HAUS7: variants seen among roughly 807,000 people sequenced by gnomAD.
HAUS7 encodes the protein HAUS augmin-like complex subunit 7.
A neutral mutation model predicts 28.4 loss-of-function variants in HAUS7; 3 were observed. The observed-to-expected ratio is 0.11, with a 90% CI of 0.05 to 0.27. The LOEUF (loss-of-function observed/expected upper bound fraction) is 0.27, where lower values mean the gene tolerates loss of function less well. Ranked by LOEUF, HAUS7 falls within the 10% of genes least tolerant of loss-of-function variation. The pLI, the probability that HAUS7 is intolerant of heterozygous loss-of-function variation, is 1.00. For missense variants in HAUS7, 284 were observed against 297.3 expected (o/e 0.96, Z 0.33); for synonymous variants, 165 against 132.1 (o/e 1.25, Z -1.71).
chrX:153,453,744 C>T (rs1486060152), intron 9 of HAUS7, among the ~76,000 whole-genome samples: 1 of 111,037 alleles, frequency 9.0e-6, no homozygotes, highest in Non-Finnish European at 1.9e-5. Flanking sequence ...ACTGGATCCC[C>T]ACCTCACTCC....
At chrX:153,475,022 C>G (rs2089553838), upstream of HAUS7, among the ~76,000 whole-genome samples, 1 of 112,014 alleles carries the variant, frequency 8.9e-6, no homozygotes, top group Non-Finnish European at 1.9e-5. Context: ...GAGGGGGCGC[C>G]CGCCTCGCCT....
At chrX:153,486,790 C>G in intron 1 of HAUS7, 4 of 982,772 alleles carry the variant, frequency 4.1e-6, no homozygotes, top group Non-Finnish European at 4.0e-6. Flanking sequence ...GCCCCAGCGG[C>G]GGGGGGAGGA....
At chrX:153,456,837 C>A in intron 5 of HAUS7, 186 bp from the exon 6 acceptor site, 1 of 448,440 alleles carries the variant, frequency 2.2e-6, no homozygotes, top group Non-Finnish European at 3.8e-6. Flanking sequence ...CGCCTACCTA[C>A]CCACCCATGG....
At chrX:153,472,428 ACCACCCACCACCCACCACCTG>A (rs1396111986), upstream of HAUS7, among the ~76,000 whole-genome samples, 5 of 17,178 alleles carry the variant, frequency 2.9e-4, no homozygotes, top group African/African-American at 1.0e-3. Flanking sequence ...CCCACCACCC[ACCACCCACCACCCACCACCTG>A]CCACCCACCA....
upstream of HAUS7, among the ~76,000 whole-genome samples, chrX:153,474,300 C>T (rs1200341571): frequency 1.8e-5 from 2 of 112,495 alleles, no homozygotes; most frequent in African/African-American, 6.5e-5. Flanking sequence ...ACCCTCACCT[C>T]CTGCAGTTGA....
At chrX:153,486,731 C>T (rs1556988643) in intron 1 of HAUS7, 17 of 981,274 alleles carry the variant, frequency 1.7e-5, no homozygotes, top group Admixed American at 3.0e-5. Flanking sequence ...CGCCGCATCC[C>T]GCCCACTGCC....
chrX:153,470,684 A>C, upstream of HAUS7: 1 of 946,601 alleles, frequency 1.1e-6, no homozygotes, highest in Non-Finnish European at 1.4e-6. Context: ...GACCCTTCCC[A>C]TTGGGCGACA....
Position 153,469,232 on chromosome X carries a change from C to A in HAUS7, c.138G>T (p.Leu46=). The change falls in exon 2 of 10, where the codon CTG becomes CTT. Residue 46 remains leucine, a synonymous_variant. Coordinates refer to ENST00000370211, the MANE Select transcript of HAUS7 (RefSeq NM_001385482.1). The part of the protein sequence containing the change: ...KDLNCPFLEG[L]YITEPKTIQE... ...GAATTGTCTTTGGCTCTGTGATATA[C>A]AGACCCTCGAGGAAGGGGCAGTTTA... 8.5e-7 allele frequency: 1 copy of A among 1,181,125 alleles called. No homozygotes were observed. Among genetic ancestry groups the A allele is most frequent in the Non-Finnish European group, 1.2e-6 (1 of 867,740 alleles).
chrX:153,461,583 T>C (rs1556983375), intron 4 of HAUS7: 1 of 113,220 alleles, frequency 8.8e-6, no homozygotes, highest in African/African-American at 3.3e-5. Flanking sequence ...AGGACATGAA[T>C]ATGGAAATTT....
At chrX:153,455,266 C>T in intron 8 of HAUS7, 1 of 439,485 alleles carries the variant, frequency 2.3e-6, no homozygotes, top group Non-Finnish European at 4.0e-6. Context: ...CTGGGACACG[C>T]AGGACCCCAC....
chrX:153,448,499 T>A (rs1158748250), intron 9 of HAUS7, among the ~76,000 whole-genome samples: 5 of 110,307 alleles, frequency 4.5e-5, no homozygotes, highest in Non-Finnish European at 9.5e-5. Context: ...CATATGTAAC[T>A]AACCTGCACG....
At chrX:153,493,611 C>A (rs2089685608) in intron 1 of HAUS7, among the ~76,000 whole-genome samples, 1 of 112,277 alleles carries the variant, frequency 8.9e-6, no homozygotes, top group Admixed American at 9.4e-5. Flanking sequence ...CCTGGTTTCC[C>A]ACGTCTCTCT....
intron 1 of HAUS7, chrX:153,481,912 C>A: frequency 1.3e-6 from 1 of 753,152 alleles, no homozygotes; most frequent in Non-Finnish European, 1.6e-6. Flanking sequence ...GGCCTGCACC[C>A]CCATGCCTTC....
intron 1 of HAUS7, among the ~76,000 whole-genome samples, chrX:153,484,899 C>T (rs782024158): frequency 1.4e-4 from 16 of 112,739 alleles, no homozygotes; most frequent in Non-Finnish European, 3.0e-4. Flanking sequence ...AGGAGGGGAC[C>T]GAGAGGCACA....
intron 1 of HAUS7, among the ~76,000 whole-genome samples, chrX:153,479,870 G>A (rs2089587837): frequency 9.0e-6 from 1 of 111,502 alleles, no homozygotes; most frequent in Non-Finnish European, 1.9e-5. Flanking sequence ...GCCCCCCATG[G>A]TTGGCCCTGG....
At chrX:153,481,355 C>G (rs2089598655) in intron 1 of HAUS7, 2 of 753,491 alleles carry the variant, frequency 2.7e-6, no homozygotes, top group African/African-American at 4.6e-5. Context: ...GTCTCTCTTC[C>G]TCCAGGGACC....
At chrX:153,454,682 C>A in intron 8 of HAUS7, 174 bp from the exon 9 acceptor site, 1 of 475,933 alleles carries the variant, frequency 2.1e-6, no homozygotes, top group South Asian at 3.2e-5. Flanking sequence ...GCGGGGAAGT[C>A]ACCAATCAGA....
chrX:153,460,441 T>G (rs1231682591), intron 4 of HAUS7, among the ~76,000 whole-genome samples: 6 of 111,503 alleles, frequency 5.4e-5, no homozygotes, highest in African/African-American at 2.0e-4. Flanking sequence ...GTTCTGCGGC[T>G]GGATGGTGGT....
chrX:153,455,590 G>A lies in HAUS7; in HGVS notation c.882C>T (p.Cys294=), dbSNP rs148815139. The change falls in exon 8 of 10, where the codon TGC becomes TGT. Residue 294 remains cysteine (C), a synonymous_variant. Coordinates refer to ENST00000370211, the MANE Select transcript of HAUS7 (RefSeq NM_001385482.1). The part of the protein sequence containing the change: ...CQRPGPDLHP[C]GPIIQATHQN... ...GGTGCGTGGCCTGGATGATGGGGCC[G>A]CACGGGTGGAGGTCAGGGCCTGGGC... 9.9e-5 allele frequency: 119 copies of A among 1,207,264 alleles called. No individual in the cohort carries two copies. The African/African-American group carries it at 1.8e-3, about 18-fold the overall frequency.
Sources: gnomAD v4.1 joint callset for allele counts (sites outside exome capture counted in the v4.1 genomes callset) on GRCh38, gnomAD v4.1.1 for gene constraint, MANE v1.5 for transcripts, NCBI Gene and HGNC (gene_info 2026-07-23, HGNC 2026-07-21) for gene names.